Variants in DAPK1 observed in about 807,000 individuals in gnomAD.
The protein encoded by DAPK1 is death associated protein kinase 1, also known as death-associated protein kinase 1.
DAPK1 carries 56 observed loss-of-function variants against 144.9 expected under a neutral mutation model. The observed-to-expected ratio is 0.39, with a 90% CI of 0.31 to 0.48. The LOEUF (loss-of-function observed/expected upper bound fraction) is 0.48. Ranked by LOEUF, DAPK1 falls within the 20% of genes least tolerant of loss-of-function variation. The probability of loss-of-function intolerance (pLI) is 0.95; values close to 1 mark genes in which losing one functional copy is unlikely to be tolerated. For synonymous variants in DAPK1, 690 were observed against 749.0 expected, an observed-to-expected ratio of 0.92 and a Z score of 1.29; for missense variants, 1,454 against 1,875.4, an observed-to-expected ratio of 0.78 and a Z score of 4.15.
chr9:87,543,742 C>T (rs568191758), intron 2 of DAPK1, among the ~76,000 whole-genome samples: 12 of 152,230 alleles, frequency 7.9e-5, no homozygotes, highest in African/African-American at 2.9e-4. Context: ...TGAGTGATCT[C>T]TTATGGTTCT....
At chr9:87,560,388 C>T (rs529940988) in intron 2 of DAPK1, among the ~76,000 whole-genome samples, 24 of 152,264 alleles carry the variant, frequency 1.6e-4, no homozygotes, top group African/African-American at 5.8e-4. Context: ...CATTTTAAAG[C>T]GTGCAACTGA....
intron 2 of DAPK1, among the ~76,000 whole-genome samples, chr9:87,545,229 G>A (rs1231218997): frequency 6.6e-6 from 1 of 152,124 alleles, no homozygotes; most frequent in East Asian, 1.9e-4. Context: ...AATTCTCCTT[G>A]CAAACCAGGC....
intron 15 of DAPK1, 28 bp downstream of exon 15, chr9:87,648,907 C>G (rs377270881): frequency 3.8e-6 from 6 of 1,580,870 alleles, no homozygotes; most frequent in Non-Finnish European, 5.2e-6. Flanking sequence ...TCCTCCCTTC[C>G]TCTGCTCTAT....
At chr9:87,704,352 T>C (rs1825559378) in intron 25 of DAPK1, among the ~76,000 whole-genome samples, 1 of 152,220 alleles carries the variant, frequency 6.6e-6, no homozygotes, top group African/African-American at 2.4e-5. Context: ...TATCATATAG[T>C]CTCCTTTATT....
chr9:87,555,887 G>A (rs36232290), intron 2 of DAPK1, among the ~76,000 whole-genome samples: 60 of 152,310 alleles, frequency 3.9e-4, no homozygotes, highest in East Asian at 5.8e-4. Flanking sequence ...TAAAAGCTAG[G>A]CGAGTTCCAT....
intron 25 of DAPK1, among the ~76,000 whole-genome samples, chr9:87,705,245 T>C: frequency 6.8e-6 from 1 of 147,336 alleles, no homozygotes; most frequent in South Asian, 2.1e-4. Flanking sequence ...AATTAATTTT[T>C]TTTTTTTTTT....
chr9:87,579,769 T>C (rs1414176472), intron 2 of DAPK1, among the ~76,000 whole-genome samples: 1 of 152,200 alleles, frequency 6.6e-6, no homozygotes, highest in East Asian at 1.9e-4. Flanking sequence ...TTACTTTTAT[T>C]CCAAAGGTTC....
chr9:87,663,359 A>G (rs1830930710), intron 18 of DAPK1, among the ~76,000 whole-genome samples: 1 of 152,182 alleles, frequency 6.6e-6, no homozygotes, highest in Admixed American at 6.5e-5. Context: ...GGTCAAGAAT[A>G]GAACTTTCCC....
chr9:87,529,502 A>G (rs1304324510), intron 2 of DAPK1, among the ~76,000 whole-genome samples: 1 of 152,218 alleles, frequency 6.6e-6, no homozygotes, highest in Non-Finnish European at 1.5e-5. Flanking sequence ...TATCCTGAGC[A>G]TCTACAACAG....
chr9:87,529,973 T>C (rs1231865593), intron 2 of DAPK1, among the ~76,000 whole-genome samples: 3 of 152,186 alleles, frequency 2.0e-5, no homozygotes, highest in African/African-American at 4.8e-5. Context: ...CCGCCCAAGC[T>C]TCTCAGAACC....
chr9:87,501,500 G>A (rs533862373), intron 2 of DAPK1, among the ~76,000 whole-genome samples: 18 of 152,082 alleles, frequency 1.2e-4, no homozygotes, highest in Non-Finnish European at 2.1e-4. Flanking sequence ...AATGGAGATC[G>A]CGCCACTGCC....
intron 3 of DAPK1, among the ~76,000 whole-genome samples, chr9:87,634,605 A>G (rs1274454307): frequency 2.0e-5 from 3 of 152,170 alleles, no homozygotes; most frequent in Non-Finnish European, 2.9e-5. Flanking sequence ...CCACTGCCTG[A>G]AGGAGGATGG....
chr9:87,700,576 G>A (rs760849342), intron 24 of DAPK1, among the ~76,000 whole-genome samples: 12 of 152,038 alleles, frequency 7.9e-5, no homozygotes, highest in African/African-American at 1.4e-4. Context: ...ATAGCTCACC[G>A]TAACCTTGAA....
chr9:87,663,034 T>C (rs1830920150), intron 18 of DAPK1, among the ~76,000 whole-genome samples: 1 of 151,882 alleles, frequency 6.6e-6, no homozygotes, highest in Non-Finnish European at 1.5e-5. Context: ...AATTCCATCC[T>C]CCTCTCCTTC....
At chr9:87,625,429 T>C (rs764110115) in intron 3 of DAPK1, among the ~76,000 whole-genome samples, 1 of 152,192 alleles carries the variant, frequency 6.6e-6, no homozygotes, top group Non-Finnish European at 1.5e-5. Flanking sequence ...ATGGCCAGTC[T>C]CCAGCTGCCA....
chr9:87,670,000 TC>T (rs1460481907), intron 19 of DAPK1, among the ~76,000 whole-genome samples: 4 of 152,076 alleles, frequency 2.6e-5, no homozygotes, highest in African/African-American at 9.7e-5. Context: ...TCCTGGAAAG[TC>T]CAGAAAGAGA....
chr9:87,639,314 CAT>C (rs755480269), intron 4 of DAPK1, 38 bp from the exon 5 acceptor site: 2 of 1,495,612 alleles, frequency 1.3e-6, no homozygotes, highest in African/African-American at 2.8e-5. Flanking sequence ...CTCAGCATAA[CAT>C]ATCATAGCTT....
At chr9:87,636,570 G>C (rs1211491258) in intron 3 of DAPK1, among the ~76,000 whole-genome samples, 1 of 152,166 alleles carries the variant, frequency 6.6e-6, no homozygotes, top group East Asian at 1.9e-4. Flanking sequence ...ATGGACTCTA[G>C]ACCGTGCTAA....
intron 2 of DAPK1, among the ~76,000 whole-genome samples, chr9:87,556,891 G>C (rs1826739827): frequency 6.6e-6 from 1 of 152,220 alleles, no homozygotes; most frequent in South Asian, 2.1e-4. Context: ...CTCCTGGGCT[G>C]CCTTGGGCGT....
Sources: gnomAD v4.1 joint callset for allele counts (sites outside exome capture counted in the v4.1 genomes callset) on GRCh38, gnomAD v4.1.1 for gene constraint, MANE v1.5 for transcripts, NCBI Gene and HGNC (gene_info 2026-07-23, HGNC 2026-07-21) for gene names.